The following C13orf42 variants were observed in gnomAD, a reference collection of about 807,000 sequenced individuals.
C13orf42 encodes chromosome 13 open reading frame 42.
intron 1 of C13orf42, among the ~76,000 whole-genome samples, chr13:51,098,182 T>A (rs900831700): frequency 1.3e-5 from 2 of 152,128 alleles, no homozygotes; most frequent in African/African-American, 4.8e-5. Flanking sequence ...CTGCTTGGCT[T>A]CACCACCCTC....
intron 1 of C13orf42, among the ~76,000 whole-genome samples, chr13:51,170,566 ATTTCAATTCCTTTCAT>A (rs1199290566): frequency 2.0e-5 from 3 of 151,880 alleles, no homozygotes; most frequent in Non-Finnish European, 2.9e-5. Context: ...CCTTCTCTTA[ATTTCAATTCCTTTCAT>A]TTTCTGGTAG....
At chr13:51,153,591 C>T (rs1953798583) in intron 1 of C13orf42, among the ~76,000 whole-genome samples, 1 of 148,212 alleles carries the variant, frequency 6.7e-6, no homozygotes, top group Admixed American at 6.7e-5. Context: ...AATACATTCA[C>T]GTTGTTATCA....
chr13:51,152,906 AC>A (rs1228718844), intron 1 of C13orf42, among the ~76,000 whole-genome samples: 1 of 152,166 alleles, frequency 6.6e-6, no homozygotes, highest in East Asian at 1.9e-4. Context: ...TGGATCCCAT[AC>A]ATGCAGAGCT....
intron 1 of C13orf42, among the ~76,000 whole-genome samples, chr13:51,118,778 T>C (rs1953511116): frequency 6.6e-6 from 1 of 152,152 alleles, no homozygotes; most frequent in Non-Finnish European, 1.5e-5. Context: ...GATGATCTTG[T>C]AGCCTAGGGT....
At chr13:51,140,265 A>G (rs920914183) in intron 1 of C13orf42, among the ~76,000 whole-genome samples, 1 of 152,136 alleles carries the variant, frequency 6.6e-6, no homozygotes, top group Admixed American at 6.5e-5. Flanking sequence ...GACCAAACCA[A>G]TGTACTTCTT....
At position 51,148,604 on chromosome 13, in the gene C13orf42, A is replaced by G. The variant is rs555575711; in HGVS notation, n.136+23649T>C. On this transcript the variant is annotated intron_variant and non_coding_transcript_variant, in intron 1 of 4. Coordinates refer to the C13orf42 transcript ENST00000433280. ...TGAGGTCCCCCTGGAGGGGGGTCCA[A>G]TGACACCTGGGGATGAGAAGGAAAG... is the stretch of plus-strand genomic sequence containing the variant. 5.9e-5 allele frequency among the ~76,000 whole-genome samples: 9 copies of G among 152,324 alleles called. No individual in the cohort carries two copies. The East Asian group carries it at 9.7e-4, about 16-fold the overall frequency.
intron 1 of C13orf42, among the ~76,000 whole-genome samples, chr13:51,106,654 A>G (rs1953359262): frequency 6.6e-6 from 1 of 152,180 alleles, no homozygotes; most frequent in Non-Finnish European, 1.5e-5. Flanking sequence ...AGCTGATTGC[A>G]TGGGAGCAGG....
In C13orf42 at chr13:51,082,169, CCCA is replaced by C. The variant is rs1953072169; in HGVS notation, c.*1979_*1981del. Reference sequence around the variant, plus strand: ...GTTTCAGATTTCATTTATCTCAAACCCCACCAGACACCATCTCAAGATTCCCCA... The same window carrying C: ...GTTTCAGATTTCATTTATCTCAAACCCCAGACACCATCTCAAGATTCCCCA... On this transcript the variant is annotated 3_prime_UTR_variant, in exon 4 of 4. Transcript: ENST00000563710. 6.6e-6 allele frequency: 1 copy of C among 152,116 alleles called. No homozygotes were observed. The highest frequency in any genetic ancestry group is 1.5e-5 in the Non-Finnish European group (1 of 68,026). The allele number at this position is 152,116 out of a possible 1,614,324, so 9.4% of individuals were successfully genotyped here. A position where few individuals can be genotyped will look rare whatever the true frequency, so the allele number is the denominator to read the frequency against.
At chr13:51,108,024 C>G (rs10454625) in intron 1 of C13orf42, among the ~76,000 whole-genome samples, 4,265 of 152,284 alleles carry the variant, frequency 0.028, 192 homozygotes, top group African/African-American at 0.096. Flanking sequence ...CAGGGCCATG[C>G]TCCCTCTGAA....
intron 1 of C13orf42, among the ~76,000 whole-genome samples, chr13:51,124,314 A>T (rs965756419): frequency 1.3e-5 from 2 of 152,220 alleles, no homozygotes; most frequent in African/African-American, 4.8e-5. Flanking sequence ...AGTAATAATA[A>T]AACTCAGGTC....
chr13:51,145,040 C>T (rs1253532464), intron 1 of C13orf42, among the ~76,000 whole-genome samples: 1 of 152,144 alleles, frequency 6.6e-6, no homozygotes, highest in African/African-American at 2.4e-5. Flanking sequence ...TCTAGTCTTG[C>T]CTAATGTTTT....
At chr13:51,108,403 G>A (rs1953385776) in intron 1 of C13orf42, among the ~76,000 whole-genome samples, 1 of 152,126 alleles carries the variant, frequency 6.6e-6, no homozygotes, top group Admixed American at 6.5e-5. Context: ...GCATTCCAGG[G>A]CAAAGGATTC....
intron 1 of C13orf42, among the ~76,000 whole-genome samples, chr13:51,140,630 T>A (rs376680606): frequency 6.6e-6 from 1 of 152,200 alleles, no homozygotes; most frequent in Non-Finnish European, 1.5e-5. Context: ...GGTTGAGATC[T>A]AAAGTTTATT....
chr13:51,096,750 C>A (rs148239093), intron 1 of C13orf42, among the ~76,000 whole-genome samples: 1 of 152,092 alleles, frequency 6.6e-6, no homozygotes, highest in Admixed American at 6.5e-5. Flanking sequence ...CCTTTGACTT[C>A]GTAATTTGTT....
chr13:51,109,522 G>A (rs1167213813), intron 1 of C13orf42, among the ~76,000 whole-genome samples: 2 of 152,088 alleles, frequency 1.3e-5, no homozygotes, highest in African/African-American at 2.4e-5. Flanking sequence ...ACCAAGGCGG[G>A]AGGACTGCTT....
At chr13:51,116,112 G>A (rs796520683), upstream of C13orf42, among the ~76,000 whole-genome samples, 1 of 152,182 alleles carries the variant, frequency 6.6e-6, no homozygotes, top group African/African-American at 2.4e-5. Context: ...TAGATCCTCT[G>A]AGGTTTACAA....
chr13:51,090,684 G>A (rs1237773513), intron 1 of C13orf42, among the ~76,000 whole-genome samples: 1 of 152,132 alleles, frequency 6.6e-6, no homozygotes, highest in African/African-American at 2.4e-5. Context: ...GGAGGGTTTG[G>A]CTAGCAGCTC....
At chr13:51,106,449 A>C (rs371581027) in intron 1 of C13orf42, among the ~76,000 whole-genome samples, 1 of 152,220 alleles carries the variant, frequency 6.6e-6, no homozygotes, top group East Asian at 1.9e-4. Flanking sequence ...CATGTTTTCC[A>C]GTCAAAGTGG....
rs1202370498 is a variant in C13orf42 at position 51,153,621 on chromosome 13, G to GTTTTTTTTTTTTTTTTT, written n.136+18631_136+18632insAAAAAAAAAAAAAAAAA. On this transcript the variant is annotated intron_variant and non_coding_transcript_variant, in intron 1 of 4. Coordinates refer to the C13orf42 transcript ENST00000433280. Reference sequence around the variant, plus strand: ...TTATCAACCCATTTTCTTGCTTTCTGTTTTTTTTCTTTTTTTTTTTTTTTT... The same window carrying GTTTTTTTTTTTTTTTTT: ...TTATCAACCCATTTTCTTGCTTTCTGTTTTTTTTTTTTTTTTTTTTTTTTTCTTTTTTTTTTTTTTTT... Among the ~76,000 whole-genome samples the GTTTTTTTTTTTTTTTTT allele has an allele frequency of 9.5e-4, 78 of 81,998 alleles. 2 individuals carry two copies. Among genetic ancestry groups the GTTTTTTTTTTTTTTTTT allele is most frequent in the Non-Finnish European group, 1.5e-3 (59 of 38,206 alleles). The allele number at this position is 81,998 out of a possible 152,430, so 53.8% of individuals were successfully genotyped here.
Sources: gnomAD v4.1 joint callset for allele counts (sites outside exome capture counted in the v4.1 genomes callset) on GRCh38, gnomAD v4.1.1 for gene constraint, MANE v1.5 for transcripts, NCBI Gene and HGNC (gene_info 2026-07-23, HGNC 2026-07-21) for gene names.